The following PDS5A variants were observed in gnomAD, a reference collection of about 807,000 sequenced individuals.
PDS5A encodes PDS5 cohesin associated factor A.
PDS5A carries 42 observed loss-of-function variants against 167.1 expected under a neutral mutation model. That is an observed-to-expected ratio of 0.25 (90% confidence interval 0.20 to 0.33). The LOEUF is 0.33. Among genes scored for constraint, PDS5A ranks in the 10% least tolerant of loss-of-function variants. The pLI, the probability that PDS5A is intolerant of heterozygous loss-of-function variation, is 1.00. For missense variants in PDS5A, 1,033 were observed against 1,605.9 expected, an observed-to-expected ratio of 0.64 and a Z score of 6.10; for synonymous variants, 553 against 554.6, an observed-to-expected ratio of 1.00 and a Z score of 0.04.
At position 39,879,796 on chromosome 4, in the gene PDS5A, T is replaced by A. The variant is rs1001185365; in HGVS notation, c.1924A>T (p.Thr642Ser). 1.2e-6 allele frequency: 2 copies of A among 1,611,530 alleles called. No homozygotes were observed. The highest frequency in any genetic ancestry group is 2.7e-5 in the African/African-American group (2 of 74,984). Residue 642 changes from threonine to serine, a missense_variant, in exon 18 of 33, where the codon ACA (threonine) becomes TCA (serine). Physicochemically the swap from Thr to Ser is moderately conservative, Grantham distance 58. Coordinates refer to ENST00000303538, the MANE Select transcript of PDS5A (RefSeq NM_001100399.2). ...VKLMNKSIEG[T>S]ADDEEEGVSP... The stretch of plus-strand genomic sequence containing the variant: ...ACACCCTCCTCTTCATCATCTGCTG[T>A]CCCCTCTATTGACTTATTCATCAAT...
Position 39,977,172 on chromosome 4 carries a change from AC to A in PDS5A, c.-41+284del, listed in dbSNP as rs992439875. Among the ~76,000 whole-genome samples, 84 of 147,824 alleles carry A rather than the reference AC, an allele frequency of 5.7e-4. No homozygotes were observed. The highest frequency in any genetic ancestry group is 2.0e-3 in the African/African-American group (80 of 39,730). On this transcript the variant is annotated intron_variant, in intron 1 of 32. Coordinates refer to ENST00000303538, the MANE Select transcript of PDS5A (RefSeq NM_001100399.2). The surrounding 1 kb of genome is among the most constrained non-coding windows in gnomAD (Gnocchi z 4.2). ...CACCCCTCCCCTGTTCCGCTCCCTCACCCCCGCGGGAGGGGAAAACAAGCCG... is the reference window on the plus strand; with the variant it reads ...CACCCCTCCCCTGTTCCGCTCCCTCACCCCGCGGGAGGGGAAAACAAGCCG...
chr4:39,927,843 T>C, intron 3 of PDS5A, 118 bp downstream of exon 3: 1 of 695,232 alleles, frequency 1.4e-6, no homozygotes, highest in Non-Finnish European at 2.4e-6. Context: ...AATATATTCT[T>C]AAGATGAAGA....
rs573069227 is a variant in PDS5A at position 39,955,892 on chromosome 4, A to G, written c.138+20548T>C. Among the ~76,000 whole-genome samples, 613 of 152,110 alleles carry G rather than the reference A, an allele frequency of 4.0e-3. 4 individuals carry two copies. In the Middle Eastern group the frequency reaches 0.041, roughly 10 times the overall value. On this transcript the variant is annotated intron_variant, in intron 2 of 32. Transcript: ENST00000303538. ...CACTTTGGGGGGCCAAGGCAGGTGG[A>G]TTACCTGAGGTCAGGAGTTCGAGAC...
chr4:39,943,388 AG>A (rs755593295), intron 2 of PDS5A, among the ~76,000 whole-genome samples: 1 of 152,242 alleles, frequency 6.6e-6, no homozygotes, highest in East Asian at 1.9e-4. Context: ...TTACTTAATA[AG>A]ACAAGGTTAT....
Position 39,976,622 on chromosome 4 carries a change from C to A in PDS5A, c.-40-5G>T. ...TTCACAGTCCTCTACCGGCCTCTAT[C>A]GGTCAGAAAACCAAAGTTCAGCGGG... On this transcript the variant is annotated splice_region_variant and splice_polypyrimidine_tract_variant and intron_variant, in intron 1 of 32. Transcript: ENST00000303538. 1 of 1,529,994 alleles carries A rather than the reference C, an allele frequency of 6.5e-7. No individual in the cohort carries two copies. The highest frequency in any genetic ancestry group is 8.9e-7 in the Non-Finnish European group (1 of 1,123,680). The allele number at this position is 1,529,994 out of a possible 1,614,324, so 94.8% of individuals were successfully genotyped here.
At chr4:39,941,586 G>A (rs887327041) in intron 2 of PDS5A, among the ~76,000 whole-genome samples, 1 of 152,206 alleles carries the variant, frequency 6.6e-6, no homozygotes, top group Non-Finnish European at 1.5e-5. Context: ...CAGGAGCACA[G>A]TTAATGCATA....
rs748781692 is a variant in PDS5A at position 39,840,075 on chromosome 4, CAG to C, written c.3658-1869_3658-1868del. On this transcript the variant is annotated intron_variant, in intron 31 of 32. Coordinates refer to ENST00000303538, the MANE Select transcript of PDS5A (RefSeq NM_001100399.2). ...TGCCACTGCACTCCAGCCCAGGCGACAGAGACTCCGTCTCAAAAAACAAAAGA... is the reference window on the plus strand; with the variant it reads ...TGCCACTGCACTCCAGCCCAGGCGACAGACTCCGTCTCAAAAAACAAAAGA... Among the ~76,000 whole-genome samples, 5 of 152,010 alleles carry C rather than the reference CAG, an allele frequency of 3.3e-5. No individual in the cohort carries two copies. In the East Asian group the frequency reaches 9.7e-4, roughly 29 times the overall value.
At chr4:39,885,419 G>A (rs546693226) in intron 17 of PDS5A, among the ~76,000 whole-genome samples, 2 of 151,656 alleles carry the variant, frequency 1.3e-5, no homozygotes, top group South Asian at 4.2e-4. Flanking sequence ...GGGCAACACG[G>A]CAAAACTGCT....
chr4:39,826,314 T>C (rs1715308820), intron 32 of PDS5A, among the ~76,000 whole-genome samples: 1 of 151,654 alleles, frequency 6.6e-6, no homozygotes, highest in South Asian at 2.1e-4. Flanking sequence ...AAGGAGGAAC[T>C]CATCTAATAG....
intron 16 of PDS5A, among the ~76,000 whole-genome samples, chr4:39,890,687 G>A (rs1189821348): frequency 2.0e-5 from 3 of 152,118 alleles, no homozygotes; most frequent in African/African-American, 4.8e-5. Flanking sequence ...CACGATCTCG[G>A]CTCACTGCAA....
Position 39,848,939 on chromosome 4 carries a change from C to G in PDS5A, c.3251G>C (p.Cys1084Ser). The G allele has an allele frequency of 6.2e-7, 1 of 1,602,694 alleles. No homozygotes were observed. The highest frequency in any genetic ancestry group is 8.5e-7 in the Non-Finnish European group (1 of 1,172,150). The part of the protein sequence containing the change: ...KLYTVCDVAL[C>S]VINSKSALCN... ...CAAAGCACTTTTACTATTTATAACA[C>G]AGAGAGCCACATCACATACTGTATA... The change falls in exon 28 of 33, where the codon TGT (cysteine) becomes TCT (serine). Residue 1084 changes from cysteine (C) to serine (S), a missense_variant. Physicochemically the swap from Cys to Ser is moderately radical, Grantham distance 112. Around this residue, in one of 4 missense-constraint regions of PDS5A, gnomAD observed 367 missense variants for 686.7 expected, o/e 0.53. Transcript: ENST00000303538.
chr4:39,886,242 A>G (rs971387650), intron 17 of PDS5A, among the ~76,000 whole-genome samples: 1 of 152,220 alleles, frequency 6.6e-6, no homozygotes, highest in African/African-American at 2.4e-5. Flanking sequence ...AAAGTCAGGT[A>G]GTTTGATGGC....
chr4:39,877,445 C>T (rs1462998753), intron 18 of PDS5A, among the ~76,000 whole-genome samples: 1 of 151,980 alleles, frequency 6.6e-6, no homozygotes, highest in Non-Finnish European at 1.5e-5. Context: ...CACATGGCTC[C>T]TTTTTTATGG....
At chr4:39,929,606 C>T (rs982224094) in intron 2 of PDS5A, among the ~76,000 whole-genome samples, 16 of 130,814 alleles carry the variant, frequency 1.2e-4, no homozygotes, top group African/African-American at 4.3e-4. Context: ...CCTATTGGGG[C>T]GTGTGTGTGT....
rs1266223863 is a variant in PDS5A at position 39,969,362 on chromosome 4, A to T, written c.138+7078T>A. Among the ~76,000 whole-genome samples, 3 of 152,162 alleles carry T rather than the reference A, an allele frequency of 2.0e-5. No individual in the cohort carries two copies. The East Asian group carries it at 5.8e-4, about 29-fold the overall frequency. ...ACCTATGTTACCATCTCTAAGACAC[A>T]AACTCCTTAGTTTGAAAAGTCCTAG... is the stretch of plus-strand genomic sequence containing the variant. On this transcript the variant is annotated intron_variant, in intron 2 of 32. Coordinates refer to ENST00000303538, the MANE Select transcript of PDS5A (RefSeq NM_001100399.2).
intron 16 of PDS5A, among the ~76,000 whole-genome samples, chr4:39,893,025 G>A (rs1041995415): frequency 2.0e-5 from 3 of 152,192 alleles, no homozygotes; most frequent in Admixed American, 6.5e-5. Flanking sequence ...TGAATAAGGA[G>A]GCTTGAAAAT....
At chr4:39,939,423 C>A (rs958518964) in intron 2 of PDS5A, among the ~76,000 whole-genome samples, 1 of 152,132 alleles carries the variant, frequency 6.6e-6, no homozygotes, top group African/African-American at 2.4e-5. Flanking sequence ...CCTCTGATCA[C>A]ACCACTGCAG....
At chr4:39,970,538 T>C (rs963466224) in intron 2 of PDS5A, among the ~76,000 whole-genome samples, 2 of 151,718 alleles carry the variant, frequency 1.3e-5, no homozygotes, top group East Asian at 3.9e-4. Flanking sequence ...AACTACATGA[T>C]AAAAGTTACA....
At position 39,970,385 on chromosome 4, in the gene PDS5A, T is replaced by A. The variant is rs1730386119; in HGVS notation, c.138+6055A>T. On this transcript the variant is annotated intron_variant, in intron 2 of 32. Transcript: ENST00000303538. ...TATCTTAGCTCTTTCAAAGACATACTCTAAGAATTATTGTCAACGAAGCTT... is the reference window on the plus strand; with the variant it reads ...TATCTTAGCTCTTTCAAAGACATACACTAAGAATTATTGTCAACGAAGCTT... Among the ~76,000 whole-genome samples, 6 of 151,406 alleles carry A rather than the reference T, an allele frequency of 4.0e-5. No individual in the cohort carries two copies. In the South Asian group the frequency reaches 1.2e-3, roughly 31 times the overall value.
Sources: allele counts gnomAD v4.1 joint callset (sites outside exome capture counted in the v4.1 genomes callset), GRCh38; gene constraint gnomAD v4.1.1; regional missense constraint gnomAD v4.1.1; non-coding constraint Gnocchi (gnomAD v3.1); transcripts MANE v1.5; gene names NCBI Gene and HGNC (gene_info 2026-07-23, HGNC 2026-07-21).